Variants in MGAT4C observed in about 807,000 individuals in gnomAD.
MGAT4C encodes alpha-1,3-mannosyl-glycoprotein 4-beta-N-acetylglucosaminyltransferase C.
A neutral mutation model predicts 40.1 loss-of-function variants in MGAT4C; 19 were observed. The observed-to-expected ratio is 0.47, with a 90% confidence interval of 0.33 to 0.70. The LOEUF (loss-of-function observed/expected upper bound fraction) is 0.70, where lower values mean the gene tolerates loss of function less well. Among genes scored for constraint, MGAT4C ranks in the 30% least tolerant of loss-of-function variants. MGAT4C has a pLI of 0.02. For missense variants in MGAT4C, 491 were observed against 563.2 expected, an observed-to-expected ratio of 0.87 and a Z score of 1.30; for synonymous variants, 181 against 187.1, an observed-to-expected ratio of 0.97 and a Z score of 0.27.
chr12:86,245,442 C>T (rs1385371789), intron 1 of MGAT4C, among the ~76,000 whole-genome samples: 1 of 152,132 alleles, frequency 6.6e-6, no homozygotes, highest in Non-Finnish European at 1.5e-5. Context: ...CTTTTTTGAA[C>T]TTCGTTATAT....
chr12:86,390,174 A>G (rs944285111), intron 3 of MGAT4C, among the ~76,000 whole-genome samples: 1 of 152,138 alleles, frequency 6.6e-6, no homozygotes, highest in African/African-American at 2.4e-5. Flanking sequence ...CTCAGAAGAG[A>G]CACTGTTGAC....
At chr12:86,615,305 A>G (rs115849293) in intron 2 of MGAT4C, among the ~76,000 whole-genome samples, 3,134 of 152,160 alleles carry the variant, frequency 0.021, 100 homozygotes, top group African/African-American at 0.071. Flanking sequence ...AAAATATTTG[A>G]CTGAAAAAAT....
At chr12:86,682,734 A>C (rs1950004548) in intron 2 of MGAT4C, among the ~76,000 whole-genome samples, 1 of 152,140 alleles carries the variant, frequency 6.6e-6, no homozygotes, top group South Asian at 2.1e-4. Context: ...ACAGAGAATA[A>C]ATGATTCCAC....
At chr12:86,090,270 A>C in intron 1 of MGAT4C, among the ~76,000 whole-genome samples, 1 of 151,708 alleles carries the variant, frequency 6.6e-6, no homozygotes, top group East Asian at 1.9e-4. Context: ...CCATATTCAT[A>C]AAGTTTATGC....
At chr12:86,683,782 C>A (rs1003285088) in intron 2 of MGAT4C, among the ~76,000 whole-genome samples, 1 of 152,074 alleles carries the variant, frequency 6.6e-6, no homozygotes, top group African/African-American at 2.4e-5. Flanking sequence ...TCATGATAAA[C>A]GTTTGTGTCC....
chr12:86,367,803 AAAACAAAC>A lies in MGAT4C; in HGVS notation c.-119-33684_-119-33677del, dbSNP rs201398634. 1.8e-3 allele frequency among the ~76,000 whole-genome samples: 273 copies of A among 151,830 alleles called. 1 individual carries two copies. The highest frequency in any genetic ancestry group is 3.6e-3 in the African/African-American group (148 of 41,440). On this transcript the variant is annotated intron_variant, in intron 3 of 7. Transcript: ENST00000548651. Reference sequence around the variant, plus strand: ...CGACAGAGCGAGACTCCGTCTCAAAAAAACAAACAAACAAACAAACAAACAAAAAACAA... The same window carrying A: ...CGACAGAGCGAGACTCCGTCTCAAAAAAACAAACAAACAAACAAAAAACAA...
chr12:86,324,275 C>T (rs1954469084), intron 4 of MGAT4C, among the ~76,000 whole-genome samples: 1 of 151,878 alleles, frequency 6.6e-6, no homozygotes, highest in African/African-American at 2.4e-5. Flanking sequence ...CTGTTTAATA[C>T]ATCCTCATTA....
chr12:86,749,064 C>A (rs1295753314), intron 1 of MGAT4C, among the ~76,000 whole-genome samples: 1 of 151,052 alleles, frequency 6.6e-6, no homozygotes, highest in Non-Finnish European at 1.5e-5. Context: ...CGTAAACCTG[C>A]CTAAACTACT....
intron 2 of MGAT4C, among the ~76,000 whole-genome samples, chr12:86,025,579 A>G (rs767952143): frequency 4.6e-5 from 7 of 151,760 alleles, no homozygotes; most frequent in Non-Finnish European, 7.4e-5. Context: ...AATATTTATA[A>G]CATAAAGATA....
At chr12:86,552,253 TAAGTG>T (rs1229540552) in intron 2 of MGAT4C, among the ~76,000 whole-genome samples, 2 of 152,048 alleles carry the variant, frequency 1.3e-5, no homozygotes, top group Non-Finnish European at 2.9e-5. Flanking sequence ...GATATTATGT[TAAGTG>T]AAGTTAGTGA....
At chr12:86,293,841 G>C (rs1464957636) in intron 4 of MGAT4C, among the ~76,000 whole-genome samples, 1 of 152,130 alleles carries the variant, frequency 6.6e-6, no homozygotes, top group African/African-American at 2.4e-5. Flanking sequence ...CTCCTGACCT[G>C]TGAAGAAGGC....
intron 2 of MGAT4C, among the ~76,000 whole-genome samples, chr12:86,040,157 G>C (rs1309054997): frequency 3.9e-5 from 6 of 152,200 alleles, no homozygotes; most frequent in East Asian, 1.9e-4. Flanking sequence ...TCCTGTATGA[G>C]GTGTCTGTCA....
upstream of MGAT4C, among the ~76,000 whole-genome samples, chr12:86,257,787 A>G (rs1283865719): frequency 6.6e-6 from 1 of 152,200 alleles, no homozygotes; most frequent in African/African-American, 2.4e-5. Context: ...GAAGCGAGTT[A>G]GCATGTGACA....
chr12:86,277,183 C>T (rs1239397800), intron 4 of MGAT4C, among the ~76,000 whole-genome samples: 1 of 152,132 alleles, frequency 6.6e-6, no homozygotes, highest in Non-Finnish European at 1.5e-5. Flanking sequence ...CAATGTTGAG[C>T]ACATTTTTAT....
intron 4 of MGAT4C, among the ~76,000 whole-genome samples, chr12:86,307,349 T>G (rs920636939): frequency 3.3e-5 from 5 of 149,518 alleles, no homozygotes; most frequent in African/African-American, 1.3e-4. Flanking sequence ...GCTACATTGT[T>G]TATAATCTTA....
chr12:86,678,248 C>T (rs1407274453), intron 2 of MGAT4C, among the ~76,000 whole-genome samples: 1 of 152,016 alleles, frequency 6.6e-6, no homozygotes, highest in East Asian at 1.9e-4. Context: ...ATGGCGCCAC[C>T]ATCCTACATG....
Position 86,371,251 on chromosome 12 carries a change from G to A in MGAT4C, c.-119-37124C>T, listed in dbSNP as rs559605541. Among the ~76,000 whole-genome samples, 6 of 152,058 alleles carry A rather than the reference G, an allele frequency of 3.9e-5. 1 individual carries two copies. Among genetic ancestry groups the A allele is most frequent in the African/African-American group, 1.4e-4 (6 of 41,542 alleles). ...TTGGTGTGCATTGTGAAGGGAGAAA[G>A]CTTTAACTCAGTCATTTCTCTCAAA... On this transcript the variant is annotated intron_variant, in intron 3 of 7. Coordinates refer to the MGAT4C transcript ENST00000548651.
rs12318366 is a variant in MGAT4C at position 86,390,980 on chromosome 12, A to T, written c.-120+44177T>A. 8.1e-3 allele frequency among the ~76,000 whole-genome samples: 1,228 copies of T among 152,324 alleles called. 22 individuals are homozygous for T. Among genetic ancestry groups the T allele is most frequent in the African/African-American group, 0.028 (1,179 of 41,560 alleles). ...GGAAATATTTCCTATGAATAAACATATCTGATTTCCAGAAAGGACTTAAAG... is the reference window on the plus strand; with the variant it reads ...GGAAATATTTCCTATGAATAAACATTTCTGATTTCCAGAAAGGACTTAAAG... On this transcript the variant is annotated intron_variant, in intron 3 of 7. Transcript: ENST00000548651.
chr12:86,352,603 A>G (rs1955190155), intron 3 of MGAT4C, among the ~76,000 whole-genome samples: 1 of 152,166 alleles, frequency 6.6e-6, no homozygotes, highest in Admixed American at 6.6e-5. Context: ...ATAGGGTTCC[A>G]TTACATAGAT....
Sources: gnomAD v4.1 joint callset for allele counts (sites outside exome capture counted in the v4.1 genomes callset) on GRCh38, gnomAD v4.1.1 for gene constraint, MANE v1.5 for transcripts, NCBI Gene and HGNC (gene_info 2026-07-23, HGNC 2026-07-21) for gene names.